Variants in GNB4 observed in about 807,000 individuals in gnomAD.
GNB4 encodes guanine nucleotide-binding protein subunit beta-4.
Under a neutral mutation model 45.2 loss-of-function variants are expected in GNB4, and 28 were observed. The ratio of observed to expected loss-of-function variants is 0.62; its 90% CI spans 0.46 to 0.85. The LOEUF is 0.85. Among genes scored for constraint, GNB4 ranks in the 40% least tolerant of loss-of-function variants. GNB4 has a pLI of 0.00. For synonymous variants in GNB4, 132 were observed against 143.7 expected, an observed-to-expected ratio of 0.92 and a Z score of 0.58; for missense variants, 321 against 425.4, an observed-to-expected ratio of 0.75 and a Z score of 2.16.
At chr3:179,416,905 TAAC>T (rs1375623785) in intron 4 of GNB4, among the ~76,000 whole-genome samples, 2 of 152,298 alleles carry the variant, frequency 1.3e-5, no homozygotes, top group South Asian at 4.1e-4. Flanking sequence ...CATAGAAGCC[TAAC>T]AACCATATTT....
At position 179,413,541 on chromosome 3, in the gene GNB4, A is replaced by C. The variant is rs954963340; in HGVS notation, c.570T>G (p.Leu190=). 6.2e-7 allele frequency: 1 copy of C among 1,613,998 alleles called. No homozygotes were observed. Among genetic ancestry groups the C allele is most frequent in the Non-Finnish European group, 8.5e-7 (1 of 1,179,998 alleles). The change falls in exon 8 of 10, where the codon CTT becomes CTG. Residue 190 remains leucine, a synonymous_variant. Coordinates refer to ENST00000232564, the MANE Select transcript of GNB4 (RefSeq NM_021629.4). ...FTGHSGDVMS[L]SLSPDMRTFV... ...AAGTCCTCATGTCAGGACTCAAAGA[A>C]AGACTCATCACATCTCCAGAATGCC...
chr3:179,495,650 G>A, the GNB4 span, among the ~76,000 whole-genome samples: 1 of 150,812 alleles, frequency 6.6e-6, no homozygotes, highest in Non-Finnish European at 1.5e-5. Context: ...AGGGAGGGAG[G>A]GAAGGAAGGA....
rs116008183 is a variant in GNB4 at position 179,444,705 on chromosome 3, C to T, written c.-43+6641G>A. Among the ~76,000 whole-genome samples the T allele has an allele frequency of 6.7e-3, 1,022 of 152,198 alleles. 13 individuals carry two copies. Among genetic ancestry groups the T allele is most frequent in the African/African-American group, 0.023 (964 of 41,526 alleles). On this transcript the variant is annotated intron_variant, in intron 1 of 9. Coordinates refer to ENST00000232564, the MANE Select transcript of GNB4 (RefSeq NM_021629.4). Reference sequence around the variant, plus strand: ...CCAGTCTGTGTGACAGAGAGAGACTCTGTCTCAAAAAGTATATACATGCAT... The same window carrying T: ...CCAGTCTGTGTGACAGAGAGAGACTTTGTCTCAAAAAGTATATACATGCAT...
the GNB4 span, chr3:179,465,337 C>T: frequency 2.6e-6 from 3 of 1,158,070 alleles, no homozygotes; most frequent in Non-Finnish European, 3.8e-6. Flanking sequence ...GGCGCGGTGG[C>T]TCACACCTGT....
intron 5 of GNB4, 147 bp from the exon 6 acceptor site, chr3:179,415,194 GA>G: frequency 1.8e-6 from 1 of 554,750 alleles, no homozygotes. Flanking sequence ...TTGAGAAAGT[GA>G]ACCATGAAAA....
intron 8 of GNB4, among the ~76,000 whole-genome samples, chr3:179,408,846 C>G (rs898490284): frequency 6.7e-6 from 1 of 148,320 alleles, no homozygotes; most frequent in Non-Finnish European, 1.5e-5. Flanking sequence ...TAGATCCAAA[C>G]ACAAGAAACA....
the GNB4 span, among the ~76,000 whole-genome samples, chr3:179,507,821 C>G: frequency 1.3e-5 from 2 of 152,152 alleles, no homozygotes; most frequent in African/African-American, 4.8e-5. Flanking sequence ...CGCGTCTTCT[C>G]CACTGCAATG....
chr3:179,524,266 G>A, the GNB4 span, among the ~76,000 whole-genome samples: 1 of 152,258 alleles, frequency 6.6e-6, no homozygotes, highest in East Asian at 1.9e-4. Flanking sequence ...GGGGCTCTGG[G>A]AGTGGCTGCC....
chr3:179,448,474 G>GT (rs201658867), intron 1 of GNB4, among the ~76,000 whole-genome samples: 301 of 142,026 alleles, frequency 2.1e-3, no homozygotes, highest in South Asian at 5.2e-3. Flanking sequence ...AACTTACTTG[G>GT]TTTTTTTTTT....
At position 179,425,993 on chromosome 3, in the gene GNB4, T is replaced by G. The variant is rs1385901621; in HGVS notation, c.57+151A>C. On this transcript the variant is annotated intron_variant, in intron 2 of 9. Coordinates refer to ENST00000232564, the MANE Select transcript of GNB4 (RefSeq NM_021629.4). The stretch of plus-strand genomic sequence containing the variant: ...TCTTTCGAGACATGGTAAACACAAA[T>G]AGACCTCAGTTCTTACTTCGCCATG... 8.1e-6 allele frequency: 5 copies of G among 618,702 alleles called. No individual in the cohort carries two copies. The Admixed American group carries it at 1.8e-4, about 22-fold the overall frequency. The allele number at this position is 618,702 out of a possible 1,614,324, so 38.3% of individuals were successfully genotyped here.
chr3:179,464,348 G>A, the GNB4 span: 4 of 765,888 alleles, frequency 5.2e-6, no homozygotes, highest in Non-Finnish European at 9.3e-6. Context: ...CACAGGCTAT[G>A]GCTGCGACTT....
At chr3:179,405,443 G>A (rs1014938269) in intron 8 of GNB4, 37 bp from the exon 9 acceptor site, 5 of 1,404,542 alleles carry the variant, frequency 3.6e-6, no homozygotes, top group South Asian at 2.4e-5. Context: ...TTCTACAGAT[G>A]TATGCACAAT....
the GNB4 span, among the ~76,000 whole-genome samples, chr3:179,518,014 G>T: frequency 6.6e-6 from 1 of 151,784 alleles, no homozygotes; most frequent in Non-Finnish European, 1.5e-5. Context: ...CTTTCCTGGG[G>T]GGCAAGCACC....
the GNB4 span, among the ~76,000 whole-genome samples, chr3:179,518,171 C>A: frequency 6.6e-6 from 1 of 152,170 alleles, no homozygotes; most frequent in African/African-American, 2.4e-5. Context: ...CACACCTGAC[C>A]TAAAACCTAA....
upstream of GNB4, among the ~76,000 whole-genome samples, chr3:179,454,892 A>G (rs1182317579): frequency 6.6e-6 from 1 of 152,240 alleles, no homozygotes; most frequent in Non-Finnish European, 1.5e-5. Context: ...TCTACAGCAC[A>G]GTTTCCCAAG....
Position 179,413,708 on chromosome 3 carries a change from A to C in GNB4, c.497+7T>G, listed in dbSNP as rs1306513067. 1 of 1,613,910 alleles carries C rather than the reference A, an allele frequency of 6.2e-7. No homozygotes were observed. Among genetic ancestry groups the C allele is most frequent in the Non-Finnish European group, 8.5e-7 (1 of 1,179,890 alleles). On this transcript the variant is annotated splice_region_variant and intron_variant, in intron 7 of 9. Coordinates refer to ENST00000232564, the MANE Select transcript of GNB4 (RefSeq NM_021629.4). ...CCATAATCAGTGTGCTTCTGGAATAAACTTACCAAGTTGTATCTCCTGAAC... is the reference window on the plus strand; with the variant it reads ...CCATAATCAGTGTGCTTCTGGAATACACTTACCAAGTTGTATCTCCTGAAC...
the GNB4 span, among the ~76,000 whole-genome samples, chr3:179,525,182 A>G: frequency 1.3e-5 from 2 of 152,228 alleles, no homozygotes; most frequent in Non-Finnish European, 1.5e-5. Context: ...CGAGCACCTC[A>G]GACCCATTCG....
intron 1 of GNB4, among the ~76,000 whole-genome samples, chr3:179,438,176 T>C (rs544959151): frequency 1.3e-5 from 2 of 152,332 alleles, no homozygotes; most frequent in East Asian, 1.9e-4. Context: ...ATTACGTGTA[T>C]GTACACAACT....
upstream of GNB4, among the ~76,000 whole-genome samples, chr3:179,456,379 A>C (rs966776960): frequency 7.2e-5 from 11 of 152,218 alleles, no homozygotes; most frequent in African/African-American, 2.7e-4. Context: ...ATAATCTGCC[A>C]CAAGCACATT....
Sources: gnomAD v4.1 joint callset for allele counts (sites outside exome capture counted in the v4.1 genomes callset) on GRCh38, gnomAD v4.1.1 for gene constraint, MANE v1.5 for transcripts, NCBI Gene and HGNC (gene_info 2026-07-23, HGNC 2026-07-21) for gene names.